Variants in SHD observed in about 807,000 individuals in gnomAD.
SHD encodes the protein Src homology 2 domain containing transforming protein D.
Under a neutral mutation model 31.2 loss-of-function variants are expected in SHD, and 29 were observed. That is an observed-to-expected ratio of 0.93 (90% CI 0.69 to 1.27). The LOEUF is 1.27. Among genes scored for constraint, SHD ranks in the 50% most tolerant of loss-of-function variants. The pLI, the probability that SHD is intolerant of heterozygous loss-of-function variation, is 0.00. For missense variants in SHD, 520 were observed against 453.8 expected, an observed-to-expected ratio of 1.15 and a Z score of -1.33; for synonymous variants, 208 against 187.8, an observed-to-expected ratio of 1.11 and a Z score of -0.88.
chr19:4,288,443 G>A, intron 5 of SHD, 81 bp downstream of exon 5: 4 of 1,475,360 alleles, frequency 2.7e-6, no homozygotes, highest in Non-Finnish European at 3.6e-6. Flanking sequence ...GGGAAGGGGA[G>A]GGTGTGGCTC....
chr19:4,282,966 G>A lies in SHD; in HGVS notation c.394G>A (p.Val132Ile), dbSNP rs781099669. The A allele has an allele frequency of 1.2e-6, 2 of 1,614,114 alleles. No homozygotes were observed. Among genetic ancestry groups the A allele is most frequent in the Non-Finnish European group, 1.7e-6 (2 of 1,180,014 alleles). The change falls in exon 2 of 6, where the codon GTC becomes ATC. Residue 132 changes from valine (V) to isoleucine (I), a missense_variant. By Grantham distance (29) the Val-to-Ile change is conservative. Transcript: ENST00000543264. ...GYMEPYDAQW[V>I]MSELPGRGVQ... The stretch of plus-strand genomic sequence containing the variant: ...CATGGAGCCCTACGATGCCCAATGG[G>A]TCATGAGTGGTGAGTAGGCACGGCT...
chr19:4,281,210 C>T (rs1430127627), intron 1 of SHD, among the ~76,000 whole-genome samples: 1 of 151,452 alleles, frequency 6.6e-6, no homozygotes, highest in Non-Finnish European at 1.5e-5. Context: ...TTTGGGAGGT[C>T]GAGGTGGGAG....
intron 4 of SHD, among the ~76,000 whole-genome samples, chr19:4,285,367 C>G (rs977535836): frequency 6.6e-6 from 1 of 152,076 alleles, no homozygotes; most frequent in South Asian, 2.1e-4. Context: ...TGGGGTGGCA[C>G]GTGAGCCGGG....
At chr19:4,285,435 C>T (rs1465107948) in intron 4 of SHD, among the ~76,000 whole-genome samples, 1 of 152,104 alleles carries the variant, frequency 6.6e-6, no homozygotes, top group African/African-American at 2.4e-5. Flanking sequence ...GCCCAAGTCC[C>T]CAGAATCCAG....
At position 4,284,802 on chromosome 19, in the gene SHD, G is replaced by A. The variant is rs1971291588; in HGVS notation, c.614G>A (p.Trp205Ter). ...AFAVQFDSPE[W>*]ERTPGSAKEL... ...CCAGTGCAGTTTGACAGTCCAGAGT[G>A]GGAGAGGACTCCAGGCTCAGCCAAG... is the stretch of plus-strand genomic sequence containing the variant. The change falls in exon 4 of 6, where the codon TGG (tryptophan) becomes TAG (stop). Residue 205 changes from tryptophan (W) to a stop codon, truncating the protein, a stop_gained. Transcript: ENST00000543264. LOFTEE classifies it high-confidence loss of function. 2.5e-6 allele frequency: 4 copies of A among 1,610,930 alleles called. No individual in the cohort carries two copies. Among genetic ancestry groups the A allele is most frequent in the Non-Finnish European group, 1.7e-6 (2 of 1,178,350 alleles).
intron 4 of SHD, among the ~76,000 whole-genome samples, chr19:4,287,726 G>C (rs1465926240): frequency 6.6e-6 from 1 of 151,320 alleles, no homozygotes; most frequent in Non-Finnish European, 1.5e-5. Context: ...CGGAGGTTGT[G>C]GTGAGCCAAG....
At chr19:4,285,011 C>A in intron 4 of SHD, 107 bp downstream of exon 4, 1 of 1,280,096 alleles carries the variant, frequency 7.8e-7, no homozygotes, top group Non-Finnish European at 1.0e-6. Flanking sequence ...ACTGGGGGAA[C>A]TTCGATTCAT....
At chr19:4,280,493 C>G (rs1036835593) in intron 1 of SHD, 133 bp downstream of exon 1, 17 of 941,216 alleles carry the variant, frequency 1.8e-5, no homozygotes, top group Non-Finnish European at 2.5e-5. Context: ...TCCCAGTCCT[C>G]CAGACCTCCA....
intron 5 of SHD, 108 bp from the exon 6 acceptor site, chr19:4,290,339 G>A (rs991431977): frequency 1.9e-5 from 23 of 1,181,332 alleles, no homozygotes; most frequent in Non-Finnish European, 2.3e-5. Context: ...CCAGAGACTG[G>A]AGACACACGA....
chr19:4,288,638 G>A (rs901426853), intron 5 of SHD, among the ~76,000 whole-genome samples: 1 of 152,122 alleles, frequency 6.6e-6, no homozygotes, highest in African/African-American at 2.4e-5. Flanking sequence ...GGAACTAGGT[G>A]CACAAGATTC....
intron 4 of SHD, 56 bp from the exon 5 acceptor site, chr19:4,288,187 C>T (rs2380178): frequency 0.39 from 596,153 of 1,547,686 alleles, 120,795 homozygotes; most frequent in African/African-American, 0.59. Context: ...TTACAGGGCC[C>T]CAGAGTGTGT....
intron 4 of SHD, 149 bp downstream of exon 4, chr19:4,285,053 G>A: frequency 3.9e-6 from 4 of 1,023,310 alleles, no homozygotes; most frequent in East Asian, 6.0e-5. Flanking sequence ...TAATCTTTAC[G>A]GGCTCCAGAG....
At position 4,280,293 on chromosome 19, in the gene SHD, G is replaced by A. The variant is rs764699661; in HGVS notation, c.230G>A (p.Arg77Gln). The change falls in exon 1 of 6, where the codon CGG becomes CAG. Residue 77 changes from arginine to glutamine, a missense_variant. Coordinates refer to ENST00000543264, the MANE Select transcript of SHD (RefSeq NM_020209.4). The part of the protein sequence containing the change: ...GDAKYGSPKH[R>Q]LIKVEAADMA... ...GCCAAGTATGGTTCTCCCAAGCACC[G>A]GCTCATCAAGGTGGAGGCTGCGGAT... 2 of 1,610,488 alleles carry A rather than the reference G, an allele frequency of 1.2e-6. No individual in the cohort carries two copies. Among genetic ancestry groups the A allele is most frequent in the East Asian group, 2.2e-5 (1 of 44,746 alleles).
intron 4 of SHD, among the ~76,000 whole-genome samples, chr19:4,287,195 G>A (rs1192486455): frequency 1.3e-5 from 2 of 151,982 alleles, no homozygotes; most frequent in Non-Finnish European, 2.9e-5. Context: ...AGCTGGGCGT[G>A]GTGGCGGGTG....
At chr19:4,280,475 C>A in intron 1 of SHD, 115 bp downstream of exon 1, 1 of 1,176,976 alleles carries the variant, frequency 8.5e-7, no homozygotes, top group Non-Finnish European at 1.2e-6. Context: ...GGGCACCAGA[C>A]AGACCCTTCC....
chr19:4,288,230 C>A lies in SHD; in HGVS notation c.717-13C>A, dbSNP rs372801076. 91 of 1,612,128 alleles carry A rather than the reference C, an allele frequency of 5.6e-5. No homozygotes were observed. Among genetic ancestry groups the A allele is most frequent in the African/African-American group, 1.3e-5 (1 of 74,822 alleles). On this transcript the variant is annotated splice_polypyrimidine_tract_variant and intron_variant, in intron 4 of 5. Transcript: ENST00000543264. ...GAATGGCCCTTGATGAGACATCTGTCCATACTCGCTAGGTGGTTTCATGGC... is the reference window on the plus strand; with the variant it reads ...GAATGGCCCTTGATGAGACATCTGTACATACTCGCTAGGTGGTTTCATGGC...
At chr19:4,288,835 T>A (rs976795246) in intron 5 of SHD, among the ~76,000 whole-genome samples, 5 of 152,024 alleles carry the variant, frequency 3.3e-5, no homozygotes, top group African/African-American at 1.2e-4. Flanking sequence ...GAGTGGAAGA[T>A]CTAAAAGCAC....
Position 4,283,172 on chromosome 19 carries a change from T to A in SHD, c.522T>A (p.Asp174Glu). ...GGCAGAGCCGGATGCCCCAGGAAGA[T>A]GAACGGCCAGCAGATGAGTATGATC... The part of the protein sequence containing the change: ...KPRQSRMPQE[D>E]ERPADEYDQP... Residue 174 changes from aspartate to glutamate, a missense_variant, in exon 3 of 6, where the codon GAT becomes GAA. Asp to Glu is a conservative substitution (Grantham distance 45). Coordinates refer to ENST00000543264, the MANE Select transcript of SHD (RefSeq NM_020209.4). 1 of 1,614,118 alleles carries A rather than the reference T, an allele frequency of 6.2e-7. No homozygotes were observed. Among genetic ancestry groups the A allele is most frequent in the South Asian group, 1.1e-5 (1 of 91,078 alleles).
chr19:4,288,255 C>T lies in SHD; in HGVS notation c.729C>T (p.Gly243=), dbSNP rs140310005. The change falls in exon 5 of 6, where the codon GGC becomes GGT. Residue 243 remains glycine (G), a synonymous_variant. Coordinates refer to ENST00000543264, the MANE Select transcript of SHD (RefSeq NM_020209.4). ...CCATACTCGCTAGGTGGTTTCATGGCCCCCTGAACAGGGCGGATGCAGAGA... is the reference window on the plus strand; with the variant it reads ...CCATACTCGCTAGGTGGTTTCATGGTCCCCTGAACAGGGCGGATGCAGAGA... The part of the protein sequence containing the change: ...LPLEKQPWFH[G]PLNRADAESL... The T allele has an allele frequency of 8.7e-6, 14 of 1,612,870 alleles. No individual in the cohort carries two copies. The highest frequency in any genetic ancestry group is 1.7e-5 in the Admixed American group (1 of 59,880).
Sources: gnomAD v4.1 joint callset for allele counts (sites outside exome capture counted in the v4.1 genomes callset) on GRCh38, gnomAD v4.1.1 for gene constraint, MANE v1.5 for transcripts, NCBI Gene and HGNC (gene_info 2026-07-23, HGNC 2026-07-21) for gene names.